Variants in PPP2R1B observed in about 807,000 individuals in gnomAD.
The protein encoded by PPP2R1B is protein phosphatase 2 scaffold subunit Abeta.
A neutral mutation model predicts 72.7 loss-of-function variants in PPP2R1B; 58 were observed. The ratio of observed to expected loss-of-function variants is 0.80; its 90% CI spans 0.65 to 0.99. The LOEUF (loss-of-function observed/expected upper bound fraction) is 0.99, where lower values mean the gene tolerates loss of function less well. Among genes scored for constraint, PPP2R1B ranks in the 50% least tolerant of loss-of-function variants. The pLI is 0.00. For synonymous variants in PPP2R1B, 256 were observed against 264.6 expected, an observed-to-expected ratio of 0.97 and a Z score of 0.32; for missense variants, 695 against 733.6, an observed-to-expected ratio of 0.95 and a Z score of 0.61.
the PPP2R1B span, chr11:111,704,987 T>A: frequency 6.2e-7 from 1 of 1,601,132 alleles, no homozygotes; most frequent in Non-Finnish European, 8.5e-7. Flanking sequence ...TTTATTTCAG[T>A]CTTTGCAGAA....
chr11:111,748,854 T>A (rs1475818048), intron 10 of PPP2R1B, among the ~76,000 whole-genome samples: 1 of 147,336 alleles, frequency 6.8e-6, no homozygotes, highest in Non-Finnish European at 1.5e-5. Context: ...ACAAAATAGC[T>A]TTTTTTTTTT....
chr11:111,726,634 G>A (rs1943977100), downstream of PPP2R1B: 3 of 298,676 alleles, frequency 1.0e-5, no homozygotes, highest in South Asian at 2.0e-4. Context: ...GCTCAGCCCT[G>A]TCTGATCACC....
chr11:111,696,045 A>G, the PPP2R1B span, among the ~76,000 whole-genome samples: 1 of 152,220 alleles, frequency 6.6e-6, no homozygotes, highest in Non-Finnish European at 1.5e-5. Flanking sequence ...TTAATTAAGT[A>G]AGAGACAGAG....
Position 111,740,958 on chromosome 11 carries a change from A to G in PPP2R1B, c.*638T>C, listed in dbSNP as rs1944496491. On this transcript the variant is annotated 3_prime_UTR_variant, in exon 15 of 15. Coordinates refer to ENST00000527614, the MANE Select transcript of PPP2R1B (RefSeq NM_002716.5). ...ACATCACACATTAGCAGCAAGATGC[A>G]GCCACACTTCAGGTTTCTGAATGAC... The G allele has an allele frequency of 2.0e-6, 2 of 985,422 alleles. No homozygotes were observed. The highest frequency in any genetic ancestry group is 1.2e-4 in the Admixed American group (2 of 16,272). The allele number at this position is 985,422 out of a possible 1,614,324, so 61.0% of individuals were successfully genotyped here. A position where few individuals can be genotyped will look rare whatever the true frequency, so the allele number is the denominator to read the frequency against.
At chr11:111,723,719 C>A (rs200829896), downstream of PPP2R1B, 2 of 1,614,196 alleles carry the variant, frequency 1.2e-6, no homozygotes, top group Non-Finnish European at 1.7e-6. Flanking sequence ...CAGCCCTTTC[C>A]TCAGCCAGTA....
chr11:111,726,957 C>A (rs1943989014), exon 16 of PPP2R1B: 2 of 1,612,016 alleles, frequency 1.2e-6, no homozygotes, highest in Non-Finnish European at 1.7e-6. Context: ...TTTTTTAAAT[C>A]TGGGGTATTA....
chr11:111,758,494 G>C (rs996815754), intron 5 of PPP2R1B, among the ~76,000 whole-genome samples: 1 of 152,114 alleles, frequency 6.6e-6, no homozygotes, highest in Non-Finnish European at 1.5e-5. Context: ...GGAGGCTGAG[G>C]CAGGAGAATT....
At chr11:111,689,677 G>A in the PPP2R1B span, among the ~76,000 whole-genome samples, 1 of 152,190 alleles carries the variant, frequency 6.6e-6, no homozygotes. Context: ...ATTGAACTTA[G>A]TAAGTTTAGG....
intron 5 of PPP2R1B, among the ~76,000 whole-genome samples, chr11:111,756,457 C>T (rs185539596): frequency 6.6e-6 from 1 of 150,524 alleles, no homozygotes; most frequent in Admixed American, 6.6e-5. Context: ...AAAATGAAAA[C>T]AATATTTGTA....
intron 15 of PPP2R1B, chr11:111,727,348 T>G: frequency 2.2e-6 from 1 of 458,744 alleles, no homozygotes; most frequent in Non-Finnish European, 3.9e-6. Context: ...AAAGAAAAAG[T>G]CAGTGGCCCT....
the PPP2R1B span, among the ~76,000 whole-genome samples, chr11:111,701,952 G>T: frequency 6.6e-6 from 1 of 152,088 alleles, no homozygotes; most frequent in Admixed American, 6.5e-5. The surrounding 1 kb of genome is among the most constrained non-coding windows in gnomAD (Gnocchi z 4.2). Context: ...AAGCCAAACT[G>T]GCAAAACTCT....
rs1160006269 is a variant in PPP2R1B at position 111,740,349 on chromosome 11, CT to C, written c.*1246del. The C allele has an allele frequency of 1.2e-6, 1 of 857,878 alleles. No individual in the cohort carries two copies. Among genetic ancestry groups the C allele is most frequent in the Non-Finnish European group, 1.4e-6 (1 of 714,136 alleles). 53.1% of individuals were successfully genotyped at this position (857,878 alleles called of 1,614,324 possible). A position where few individuals can be genotyped will look rare whatever the true frequency, so the allele number is the denominator to read the frequency against. ...TCTCCTGCCTCAGCCTCCTGAGTAG[CT>C]GGGACTACAGGTGTGTGCCACCACG... On this transcript the variant is annotated 3_prime_UTR_variant, in exon 15 of 15. Transcript: ENST00000527614.
the PPP2R1B span, among the ~76,000 whole-genome samples, chr11:111,718,235 T>G: frequency 6.6e-6 from 1 of 152,216 alleles, no homozygotes; most frequent in Non-Finnish European, 1.5e-5. Context: ...CTTGGCTAGT[T>G]TTAGAAAATT....
At chr11:111,693,170 A>G in the PPP2R1B span, among the ~76,000 whole-genome samples, 1 of 152,054 alleles carries the variant, frequency 6.6e-6, no homozygotes, top group African/African-American at 2.4e-5. Context: ...CGTCTCTACT[A>G]AAAATACAAA....
chr11:111,738,241 C>T lies in PPP2R1B; in HGVS notation c.*3355G>A, dbSNP rs1278364589. The T allele has an allele frequency of 2.0e-6, 2 of 985,370 alleles. No homozygotes were observed. The highest frequency in any genetic ancestry group is 2.4e-6 in the Non-Finnish European group (2 of 830,018). The allele number at this position is 985,370 out of a possible 1,614,324, so 61.0% of individuals were successfully genotyped here. A position where few individuals can be genotyped will look rare whatever the true frequency, so the allele number is the denominator to read the frequency against. Reference sequence around the variant, plus strand: ...GGCCTCTCCCTCTACAGTTTCATATCCAAGCAGTGGAGAAAAATAAGAAGC... The same window carrying T: ...GGCCTCTCCCTCTACAGTTTCATATTCAAGCAGTGGAGAAAAATAAGAAGC... On this transcript the variant is annotated 3_prime_UTR_variant, in exon 15 of 15. Coordinates refer to ENST00000527614, the MANE Select transcript of PPP2R1B (RefSeq NM_002716.5).
chr11:111,716,391 A>G, the PPP2R1B span, among the ~76,000 whole-genome samples: 1 of 150,678 alleles, frequency 6.6e-6, no homozygotes, highest in Non-Finnish European at 1.5e-5. Context: ...AGCCTGGCCA[A>G]CATGGCAAAA....
intron 15 of PPP2R1B, chr11:111,728,857 G>A (rs1944076096): frequency 6.6e-6 from 1 of 151,234 alleles, no homozygotes; most frequent in Admixed American, 6.6e-5. Flanking sequence ...CCGGGAGGTG[G>A]AGCTTGCAGT....
At chr11:111,712,262 C>T in the PPP2R1B span, 1 of 1,614,228 alleles carries the variant, frequency 6.2e-7, no homozygotes, top group East Asian at 2.2e-5. Flanking sequence ...CATGAGGCTG[C>T]TGCGATCTGC....
In PPP2R1B at chr11:111,741,215, C is replaced by T. The variant is rs1281648361; in HGVS notation, c.*381G>A. On this transcript the variant is annotated 3_prime_UTR_variant, in exon 15 of 15. Transcript: ENST00000527614. The stretch of plus-strand genomic sequence containing the variant: ...GGAGAGACACAGAGATATATGTAAA[C>T]GTCAAGAGAATCACTCCACTCCACG... 1.3e-5 allele frequency: 13 copies of T among 1,024,234 alleles called. No homozygotes were observed. The highest frequency in any genetic ancestry group is 9.2e-5 in the East Asian group (1 of 10,818). 63.4% of individuals were successfully genotyped at this position (1,024,234 alleles called of 1,614,324 possible). A position where few individuals can be genotyped will look rare whatever the true frequency, so the allele number is the denominator to read the frequency against.
Sources: allele counts gnomAD v4.1 joint callset (sites outside exome capture counted in the v4.1 genomes callset), GRCh38; gene constraint gnomAD v4.1.1; non-coding constraint Gnocchi (gnomAD v3.1); transcripts MANE v1.5; gene names NCBI Gene and HGNC (gene_info 2026-07-23, HGNC 2026-07-21).